SND1: variants seen among roughly 807,000 people sequenced by gnomAD.
SND1 encodes staphylococcal nuclease and tudor domain containing 1, also known as staphylococcal nuclease domain-containing protein 1.
Under a neutral mutation model 121.7 loss-of-function variants are expected in SND1, and 38 were observed. The observed-to-expected ratio is 0.31, with a 90% confidence interval of 0.24 to 0.41. The LOEUF (loss-of-function observed/expected upper bound fraction) is 0.41, where lower values mean the gene tolerates loss of function less well. Among genes scored for constraint, SND1 ranks in the 10% least tolerant of loss-of-function variants. SND1 has a pLI of 1.00. For synonymous variants in SND1, 401 were observed against 447.4 expected, an observed-to-expected ratio of 0.90 and a Z score of 1.31; for missense variants, 868 against 1,184.6, an observed-to-expected ratio of 0.73 and a Z score of 3.92.
At chr7:127,930,770 G>A (rs993053384) in intron 15 of SND1, among the ~76,000 whole-genome samples, 2 of 152,120 alleles carry the variant, frequency 1.3e-5, no homozygotes, top group East Asian at 1.9e-4. Context: ...AAGTTTCTTG[G>A]TAGTGAACTT....
chr7:127,956,883 T>C (rs1259084628), intron 15 of SND1, among the ~76,000 whole-genome samples: 2 of 152,224 alleles, frequency 1.3e-5, no homozygotes, highest in African/African-American at 4.8e-5. Flanking sequence ...TTACTATCTT[T>C]TCCCCCTCTT....
At chr7:128,006,528 G>T (rs1802981831) in intron 16 of SND1, among the ~76,000 whole-genome samples, 1 of 152,224 alleles carries the variant, frequency 6.6e-6, no homozygotes, top group Non-Finnish European at 1.5e-5. Context: ...AGGGTTCTTT[G>T]AATCCCAGGA....
intron 13 of SND1, among the ~76,000 whole-genome samples, chr7:127,901,505 G>T (rs542988579): frequency 6.6e-6 from 1 of 152,230 alleles, no homozygotes; most frequent in South Asian, 2.1e-4. Context: ...AAGTGAAGAA[G>T]CCTCTGCACA....
At chr7:128,016,481 A>G (rs1399185852) in intron 16 of SND1, among the ~76,000 whole-genome samples, 1 of 152,194 alleles carries the variant, frequency 6.6e-6, no homozygotes, top group African/African-American at 2.4e-5. Flanking sequence ...ATTTGAAACC[A>G]GTCGTTTGGT....
At chr7:127,684,214 C>A (rs936117720) in intron 1 of SND1, among the ~76,000 whole-genome samples, 1 of 152,216 alleles carries the variant, frequency 6.6e-6, no homozygotes, top group African/African-American at 2.4e-5. Flanking sequence ...AGTTCACCTT[C>A]GTCAGAGAGG....
At chr7:128,023,867 A>G (rs1201496928) in intron 16 of SND1, among the ~76,000 whole-genome samples, 1 of 152,234 alleles carries the variant, frequency 6.6e-6, no homozygotes, top group African/African-American at 2.4e-5. Flanking sequence ...ACACACATAC[A>G]TATATAATTA....
At chr7:128,083,540 G>A (rs904175860) in intron 18 of SND1, among the ~76,000 whole-genome samples, 1 of 152,260 alleles carries the variant, frequency 6.6e-6, no homozygotes, top group African/African-American at 2.4e-5. Context: ...CAATGCAGCT[G>A]AATTATTAAG....
chr7:127,869,017 G>A (rs13231367), intron 12 of SND1, among the ~76,000 whole-genome samples: 34,267 of 152,064 alleles, frequency 0.23, 4,305 homozygotes, highest in Middle Eastern at 0.33. Context: ...AGATAAAGAA[G>A]CAGTAAAGAT....
chr7:127,968,691 A>T (rs1176488464), intron 15 of SND1, among the ~76,000 whole-genome samples: 1 of 152,222 alleles, frequency 6.6e-6, no homozygotes. Context: ...AGCACACAGG[A>T]TGCAATTGTG....
At chr7:127,708,714 A>G (rs775852457) in intron 9 of SND1, among the ~76,000 whole-genome samples, 2 of 152,108 alleles carry the variant, frequency 1.3e-5, no homozygotes, top group African/African-American at 4.8e-5. Flanking sequence ...TCTTAGTTGC[A>G]TGGTTTTGTA....
intron 9 of SND1, chr7:127,718,548 T>G (rs1388399302): frequency 1.0e-6 from 1 of 985,152 alleles, no homozygotes. Flanking sequence ...CTTGCTTAGC[T>G]GGCAGTGGCA....
intron 10 of SND1, among the ~76,000 whole-genome samples, chr7:127,773,550 A>AT (rs1491546549): frequency 6.6e-6 from 1 of 152,090 alleles, no homozygotes; most frequent in African/African-American, 2.4e-5. Flanking sequence ...GAAAAAAAAA[A>AT]GAAAAGGAAA....
intron 12 of SND1, among the ~76,000 whole-genome samples, chr7:127,850,881 T>C (rs1799153300): frequency 6.6e-6 from 1 of 152,204 alleles, no homozygotes; most frequent in Non-Finnish European, 1.5e-5. Flanking sequence ...CTCTGCCAGC[T>C]CAAGCATAGC....
At chr7:127,727,383 C>T (rs1280928906) in intron 10 of SND1, among the ~76,000 whole-genome samples, 3 of 152,170 alleles carry the variant, frequency 2.0e-5, no homozygotes, top group African/African-American at 7.2e-5. Context: ...CTCCGGGGTG[C>T]TTTGCCATTA....
At chr7:127,705,144 T>TA (rs539596688) in intron 8 of SND1, among the ~76,000 whole-genome samples, 199 bp downstream of exon 8, 4 of 152,236 alleles carry the variant, frequency 2.6e-5, no homozygotes, top group African/African-American at 7.2e-5. Flanking sequence ...GGTAAGGACT[T>TA]ACAGTTTTCA....
At chr7:128,075,825 G>A (rs1337035636) in intron 17 of SND1, among the ~76,000 whole-genome samples, 1 of 152,242 alleles carries the variant, frequency 6.6e-6, no homozygotes, top group African/African-American at 2.4e-5. Flanking sequence ...CAGAATGAGG[G>A]GGAAGCAGGC....
intron 10 of SND1, among the ~76,000 whole-genome samples, chr7:127,726,712 T>C (rs1296481498): frequency 6.6e-6 from 1 of 152,158 alleles, no homozygotes; most frequent in African/African-American, 2.4e-5. Flanking sequence ...AGGCATCCGA[T>C]GAAGGGGCTG....
At chr7:128,030,742 T>A in intron 16 of SND1, 1 of 1,405,158 alleles carries the variant, frequency 7.1e-7, no homozygotes, top group Non-Finnish European at 9.6e-7. Context: ...TCTTTCCATC[T>A]GGAGAAGGAG....
chr7:128,011,820 A>C (rs925033501), intron 16 of SND1, among the ~76,000 whole-genome samples: 5 of 152,228 alleles, frequency 3.3e-5, no homozygotes, highest in African/African-American at 9.7e-5. Flanking sequence ...TTTAAGGTTG[A>C]AAATGGCATC....
Sources: allele counts gnomAD v4.1 joint callset (sites outside exome capture counted in the v4.1 genomes callset), GRCh38; gene constraint gnomAD v4.1.1; transcripts MANE v1.5; gene names NCBI Gene and HGNC (gene_info 2026-07-23, HGNC 2026-07-21).